ZNF407: variants seen among roughly 807,000 people sequenced by gnomAD.
The protein encoded by ZNF407 is zinc finger protein 407.
In ZNF407, 17 loss-of-function variants were observed where a neutral mutation model predicts 131.2. That is an observed-to-expected ratio of 0.13 (90% confidence interval 0.09 to 0.19). The LOEUF is 0.19. ZNF407 is among the 10% of genes least tolerant of loss of function. ZNF407 has a pLI of 1.00. For missense variants in ZNF407, 2,681 were observed against 2,830.6 expected, an observed-to-expected ratio of 0.95 and a Z score of 1.20; for synonymous variants, 1,156 against 1,062.0, an observed-to-expected ratio of 1.09 and a Z score of -1.72.
At chr18:74,970,899 TG>T (rs1972465071) in intron 8 of ZNF407, among the ~76,000 whole-genome samples, 1 of 152,242 alleles carries the variant, frequency 6.6e-6, no homozygotes, top group Admixed American at 6.5e-5. Context: ...GCCCTGCCCC[TG>T]CAGCAAACTT....
chr18:74,667,394 A>G (rs1201006646), intron 3 of ZNF407, among the ~76,000 whole-genome samples: 1 of 152,244 alleles, frequency 6.6e-6, no homozygotes, highest in African/African-American at 2.4e-5. Flanking sequence ...TAATAACAAA[A>G]TGAAAATCAT....
chr18:74,837,612 G>C (rs1461565409), intron 4 of ZNF407, among the ~76,000 whole-genome samples: 1 of 151,472 alleles, frequency 6.6e-6, no homozygotes, highest in Non-Finnish European at 1.5e-5. Flanking sequence ...TTGCTGAAGG[G>C]CTTTTTTTTT....
intron 3 of ZNF407, among the ~76,000 whole-genome samples, chr18:74,645,350 T>C (rs1365272901): frequency 6.6e-6 from 1 of 152,092 alleles, no homozygotes; most frequent in Non-Finnish European, 1.5e-5. Context: ...CCAAGTTTGA[T>C]ATGCCATTAT....
chr18:74,826,538 T>G (rs1157879233), intron 4 of ZNF407, among the ~76,000 whole-genome samples: 3 of 152,196 alleles, frequency 2.0e-5, no homozygotes, highest in African/African-American at 7.2e-5. Flanking sequence ...ACCCATGTCA[T>G]ATCTACATTT....
intron 8 of ZNF407, among the ~76,000 whole-genome samples, chr18:74,932,492 G>T (rs1279028842): frequency 6.6e-6 from 1 of 152,086 alleles, no homozygotes; most frequent in Non-Finnish European, 1.5e-5. Flanking sequence ...TCCCTCATCT[G>T]AGACGTAATT....
chr18:75,030,738 A>G (rs983051779), intron 8 of ZNF407, among the ~76,000 whole-genome samples: 10 of 152,134 alleles, frequency 6.6e-5, no homozygotes, highest in Non-Finnish European at 1.5e-4. Context: ...ATTTTAACAG[A>G]GTAGGGAAGG....
rs1216349354 is a variant in ZNF407, at chr18:74,770,925, T to A, written c.4803-10503T>A. Among the ~76,000 whole-genome samples, 6 of 152,328 alleles carry A rather than the reference T, an allele frequency of 3.9e-5. No homozygotes were observed. The East Asian group carries it at 1.2e-3, about 29-fold the overall frequency. ...TTTCTTATGAATAAGCAAAAAATTCTAACTTTTGTCTCTTCATAGAGATTT... is the reference window on the plus strand; with the variant it reads ...TTTCTTATGAATAAGCAAAAAATTCAAACTTTTGTCTCTTCATAGAGATTT... On this transcript the variant is annotated intron_variant, in intron 3 of 8. Transcript: ENST00000299687.
chr18:74,969,859 T>C (rs1472890210), intron 8 of ZNF407, among the ~76,000 whole-genome samples: 4 of 152,230 alleles, frequency 2.6e-5, no homozygotes, highest in Non-Finnish European at 5.9e-5. Flanking sequence ...TTTTCCTAGA[T>C]GTCCTTCTCT....
intron 3 of ZNF407, among the ~76,000 whole-genome samples, chr18:74,719,279 C>G (rs780080903): frequency 6.6e-6 from 1 of 152,176 alleles, no homozygotes; most frequent in South Asian, 2.1e-4. Context: ...AAGAGTTCCT[C>G]CTGTCTGGCT....
intron 3 of ZNF407, among the ~76,000 whole-genome samples, chr18:74,678,981 A>T (rs1265003481): frequency 6.6e-6 from 1 of 151,966 alleles, no homozygotes; most frequent in Non-Finnish European, 1.5e-5. Context: ...CGAGAGATGC[A>T]GAGGAGAAAA....
At chr18:74,643,435 T>G (rs1984816402) in intron 3 of ZNF407, among the ~76,000 whole-genome samples, 1 of 152,074 alleles carries the variant, frequency 6.6e-6, no homozygotes, top group African/African-American at 2.4e-5. Context: ...ATGTTTTCTT[T>G]TCCTTAGTAG....
chr18:74,888,072 A>T (rs907312875), intron 6 of ZNF407, among the ~76,000 whole-genome samples: 3 of 152,170 alleles, frequency 2.0e-5, no homozygotes, highest in Non-Finnish European at 1.5e-5. Context: ...TTAAAGTAAG[A>T]TATTTTACTC....
At chr18:74,822,012 C>G (rs1261342532) in intron 4 of ZNF407, among the ~76,000 whole-genome samples, 1 of 152,186 alleles carries the variant, frequency 6.6e-6, no homozygotes, top group African/African-American at 2.4e-5. Context: ...TTGCATTTCT[C>G]TAATGACCAG....
chr18:74,916,539 G>C (rs1449693669), intron 7 of ZNF407, among the ~76,000 whole-genome samples: 2 of 117,030 alleles, frequency 1.7e-5, no homozygotes, highest in African/African-American at 3.8e-5. Context: ...GTGCAGCATT[G>C]GTTCGAATCG....
At chr18:74,721,484 A>G (rs984573232) in intron 3 of ZNF407, among the ~76,000 whole-genome samples, 8 of 152,348 alleles carry the variant, frequency 5.3e-5, no homozygotes, top group Admixed American at 4.6e-4. Flanking sequence ...TGTTATATTT[A>G]GAAAAACCTA....
chr18:74,852,164 TACACACACACACACACAC>T (rs10539805), intron 4 of ZNF407, among the ~76,000 whole-genome samples: 2 of 149,560 alleles, frequency 1.3e-5, no homozygotes, highest in Non-Finnish European at 3.0e-5. Flanking sequence ...GGATGCATGC[TACACACACACACACACAC>T]ACACACACAC....
At chr18:75,039,911 C>A (rs1973353355) in intron 8 of ZNF407, among the ~76,000 whole-genome samples, 1 of 151,236 alleles carries the variant, frequency 6.6e-6, no homozygotes, top group Non-Finnish European at 1.5e-5. Flanking sequence ...AGCGGAATTT[C>A]TTGTTTTCAA....
At chr18:74,684,834 A>G (rs1967061682) in intron 3 of ZNF407, among the ~76,000 whole-genome samples, 1 of 152,186 alleles carries the variant, frequency 6.6e-6, no homozygotes, top group Non-Finnish European at 1.5e-5. Context: ...TCCCAAGAAC[A>G]TATCAGAACT....
chr18:75,053,859 T>C (rs1052324443), intron 8 of ZNF407, among the ~76,000 whole-genome samples: 1 of 152,190 alleles, frequency 6.6e-6, no homozygotes, highest in Admixed American at 6.5e-5. Flanking sequence ...CCCCTCACCT[T>C]CATGGCCCTG....
Sources: gnomAD v4.1 joint callset for allele counts (sites outside exome capture counted in the v4.1 genomes callset) on GRCh38, gnomAD v4.1.1 for gene constraint, MANE v1.5 for transcripts, NCBI Gene and HGNC (gene_info 2026-07-23, HGNC 2026-07-21) for gene names.